Variants in ZNF274 observed in about 807,000 individuals in gnomAD.
The protein encoded by ZNF274 is zinc finger protein 274.
In ZNF274, 23 loss-of-function variants were observed where a neutral mutation model predicts 42.5. The observed-to-expected ratio is 0.54, with a 90% CI of 0.39 to 0.77. The LOEUF (loss-of-function observed/expected upper bound fraction) is 0.77. Ranked by LOEUF, ZNF274 falls within the 30% of genes least tolerant of loss-of-function variation. The pLI is 0.00. For missense variants in ZNF274, 679 were observed against 806.5 expected (o/e 0.84, Z 1.91); for synonymous variants, 292 against 305.4 (o/e 0.96, Z 0.46).
chr19:58,194,371 C>T (rs1379998432), intron 4 of ZNF274, among the ~76,000 whole-genome samples: 10 of 64,174 alleles, frequency 1.6e-4, no homozygotes, highest in African/African-American at 5.5e-4. Context: ...TGTTTTTTAC[C>T]TTTTTTTTTT....
intron 4 of ZNF274, among the ~76,000 whole-genome samples, chr19:58,197,062 A>G (rs1221648598): frequency 6.6e-6 from 1 of 152,222 alleles, no homozygotes; most frequent in Non-Finnish European, 1.5e-5. Context: ...CCATGAGAAT[A>G]TAATTGCTGT....
intron 4 of ZNF274, among the ~76,000 whole-genome samples, chr19:58,188,714 A>ATATATATATATATATATATATATG (rs1555816937): frequency 7.8e-6 from 1 of 127,598 alleles, no homozygotes; most frequent in Non-Finnish European, 1.6e-5. Context: ...ATATATATAT[A>ATATATATATATATATATATATATG]TATATATATA....
chr19:58,211,364 C>A lies in ZNF274; in HGVS notation c.853-196C>A. 1 of 567,072 alleles carries A rather than the reference C, an allele frequency of 1.8e-6. No individual in the cohort carries two copies. Among genetic ancestry groups the A allele is most frequent in the Non-Finnish European group, 2.9e-6 (1 of 341,484 alleles). 35.1% of individuals were successfully genotyped at this position (567,072 alleles called of 1,614,324 possible). On this transcript the variant is annotated intron_variant, in intron 6 of 7. Transcript: ENST00000617501. The surrounding 1 kb of genome is among the most constrained non-coding windows in gnomAD (Gnocchi z 4.8). ...ATGAAGCAAGGGCTCTGCCTCCCAG[C>A]CTGAGACCCAGACCCTGGTTTGGAC...
At chr19:58,195,639 A>G (rs1353050547) in intron 4 of ZNF274, among the ~76,000 whole-genome samples, 1 of 152,182 alleles carries the variant, frequency 6.6e-6, no homozygotes, top group Non-Finnish European at 1.5e-5. Flanking sequence ...GATAGCAAGA[A>G]TGGCAGTCAA....
chr19:58,198,807 C>CTTTTT (rs59644027), intron 4 of ZNF274, among the ~76,000 whole-genome samples: 24 of 131,488 alleles, frequency 1.8e-4, no homozygotes, highest in Admixed American at 8.4e-4. Context: ...TTAACTTTGA[C>CTTTTT]TTTTTTTTTT....
chr19:58,203,939 C>T (rs1353041016), intron 4 of ZNF274, among the ~76,000 whole-genome samples: 2 of 152,236 alleles, frequency 1.3e-5, no homozygotes, highest in African/African-American at 4.8e-5. Flanking sequence ...ACGGCCTGGG[C>T]TGCGAGAAGG....
At position 58,211,267 on chromosome 19, in the gene ZNF274, T is replaced by G. The variant is rs2076037124; in HGVS notation, c.853-293T>G. 7.0e-6 allele frequency: 2 copies of G among 286,880 alleles called. No individual in the cohort carries two copies. The highest frequency in any genetic ancestry group is 1.3e-5 in the Non-Finnish European group (2 of 154,642). The allele number at this position is 286,880 out of a possible 1,614,324, so 17.8% of individuals were successfully genotyped here. Reference sequence around the variant, plus strand: ...GGAGAACCCTCTGCAGTGGGAAGATTTCAGCAATGGGCAAGCTGGATAGAG... The same window carrying G: ...GGAGAACCCTCTGCAGTGGGAAGATGTCAGCAATGGGCAAGCTGGATAGAG... On this transcript the variant is annotated intron_variant, in intron 6 of 7. Coordinates refer to ENST00000617501, the MANE Select transcript of ZNF274 (RefSeq NM_133502.3). This position sits in a 1 kb window ranked among gnomAD's most constrained non-coding sequence, Gnocchi z 4.8.
At chr19:58,190,079 C>T (rs544064288) in intron 4 of ZNF274, among the ~76,000 whole-genome samples, 16 of 150,452 alleles carry the variant, frequency 1.1e-4, no homozygotes, top group South Asian at 6.3e-4. Flanking sequence ...ACCCAGACTG[C>T]GCCACTGCAC....
intron 4 of ZNF274, among the ~76,000 whole-genome samples, chr19:58,198,807 C>CTTTT (rs59644027): frequency 0.027 from 3,526 of 131,422 alleles, 65 homozygotes; most frequent in South Asian, 0.05. Flanking sequence ...TTAACTTTGA[C>CTTTT]TTTTTTTTTT....
chr19:58,197,819 G>T (rs1293745841), intron 4 of ZNF274, among the ~76,000 whole-genome samples: 1 of 152,200 alleles, frequency 6.6e-6, no homozygotes, highest in Non-Finnish European at 1.5e-5. Flanking sequence ...GTTTTGGCTG[G>T]AATTCAGTGA....
rs942152403 is a variant in ZNF274 at position 58,211,796 on chromosome 19, C to G, written c.979+110C>G. 4.9e-6 allele frequency: 7 copies of G among 1,433,004 alleles called. No individual in the cohort carries two copies. The South Asian group carries it at 1.0e-4, about 21-fold the overall frequency. 88.8% of individuals were successfully genotyped at this position (1,433,004 alleles called of 1,614,324 possible). A position where few individuals can be genotyped will look rare whatever the true frequency, so the allele number is the denominator to read the frequency against. On this transcript the variant is annotated intron_variant, in intron 7 of 7. Coordinates refer to ENST00000617501, the MANE Select transcript of ZNF274 (RefSeq NM_133502.3). This position sits in a 1 kb window ranked among gnomAD's most constrained non-coding sequence, Gnocchi z 4.8. ...CCACACTGGGCATTCCCTCAAGGGG[C>G]CCTTGCTGCATCCAGGGCCTGTAAG...
chr19:58,211,639 A>G lies in ZNF274; in HGVS notation c.932A>G (p.Glu311Gly). Residue 311 changes from glutamate to glycine, a missense_variant, in exon 7 of 8, where the codon GAG (glutamate) becomes GGG (glycine). Physicochemically the swap from Glu to Gly is moderately conservative, Grantham distance 98. Coordinates refer to ENST00000617501, the MANE Select transcript of ZNF274 (RefSeq NM_133502.3). This position sits in a 1 kb window ranked among gnomAD's most constrained non-coding sequence, Gnocchi z 4.8. ...CTGCTGGGCCCGACACAGAGGACCG[A>G]GTACCGCGATGTGATGCTGGAGACC... Reference protein sequence around the residue: ...WGLLGPTQRTEYRDVMLETFG... With the variant: ...WGLLGPTQRTGYRDVMLETFG... 1 of 1,613,130 alleles carries G rather than the reference A, an allele frequency of 6.2e-7. No individual in the cohort carries two copies. The highest frequency in any genetic ancestry group is 8.5e-7 in the Non-Finnish European group (1 of 1,179,210).
chr19:58,200,706 G>A (rs1259038630), intron 4 of ZNF274, among the ~76,000 whole-genome samples: 1 of 152,190 alleles, frequency 6.6e-6, no homozygotes, highest in East Asian at 1.9e-4. Context: ...GTGGCTGTGG[G>A]AGACCCCTTT....
At chr19:58,203,269 C>T (rs1160305506) in intron 4 of ZNF274, among the ~76,000 whole-genome samples, 3 of 152,072 alleles carry the variant, frequency 2.0e-5, no homozygotes. Context: ...AGCTGCTTCT[C>T]AGGAAAAATT....
intron 1 of ZNF274, 179 bp from the exon 2 acceptor site, chr19:58,183,742 G>C: frequency 3.8e-6 from 2 of 531,122 alleles, no homozygotes; most frequent in Non-Finnish European, 6.7e-6. Context: ...GTCCTCTCGG[G>C]GAGGGGAAAA....
chr19:58,204,562 G>A (rs913829085), intron 4 of ZNF274, among the ~76,000 whole-genome samples: 2 of 152,180 alleles, frequency 1.3e-5, no homozygotes, highest in African/African-American at 4.8e-5. Context: ...TCCGGGCTCT[G>A]AAAGATGCTT....
chr19:58,212,401 C>T lies in ZNF274; in HGVS notation c.1220C>T (p.Ala407Val). 8 of 1,613,088 alleles carry T rather than the reference C, an allele frequency of 5.0e-6. No individual in the cohort carries two copies. Among genetic ancestry groups the T allele is most frequent in the Non-Finnish European group, 6.8e-6 (8 of 1,179,460 alleles). Reference protein sequence around the residue: ...KKHFDNRESQANSGALDTNQV... With the variant: ...KKHFDNRESQVNSGALDTNQV... The stretch of plus-strand genomic sequence containing the variant: ...CACTTTGACAACCGTGAGTCCCAGG[C>T]AAACAGTGGTGCTCTTGACACAAAC... Residue 407 changes from alanine to valine, a missense_variant, in exon 8 of 8, where the codon GCA becomes GTA. Physicochemically the swap from Ala to Val is moderately conservative, Grantham distance 64. Coordinates refer to ENST00000617501, the MANE Select transcript of ZNF274 (RefSeq NM_133502.3). This position sits in a 1 kb window ranked among gnomAD's most constrained non-coding sequence, Gnocchi z 4.6.
rs1336337753 is a variant in ZNF274, at chr19:58,211,816, T to A, written c.979+130T>A. 8 of 1,333,952 alleles carry A rather than the reference T, an allele frequency of 6.0e-6. No individual in the cohort carries two copies. The highest frequency in any genetic ancestry group is 1.5e-5 in the African/African-American group (1 of 67,912). 82.6% of individuals were successfully genotyped at this position (1,333,952 alleles called of 1,614,324 possible). A position where few individuals can be genotyped will look rare whatever the true frequency, so the allele number is the denominator to read the frequency against. On this transcript the variant is annotated intron_variant, in intron 7 of 7. Transcript: ENST00000617501. The surrounding 1 kb of genome is among the most constrained non-coding windows in gnomAD (Gnocchi z 4.8). The stretch of plus-strand genomic sequence containing the variant: ...AGGGGCCCTTGCTGCATCCAGGGCC[T>A]GTAAGTGGAACTGTAGACCTAGAGG...
At chr19:58,187,311 C>A (rs1398717676) in intron 4 of ZNF274, among the ~76,000 whole-genome samples, 2 of 152,212 alleles carry the variant, frequency 1.3e-5, no homozygotes, top group Non-Finnish European at 2.9e-5. Context: ...CTGCCCTCCC[C>A]TCATAATCAC....
Sources: gnomAD v4.1 joint callset for allele counts (sites outside exome capture counted in the v4.1 genomes callset) on GRCh38, gnomAD v4.1.1 for gene constraint, Gnocchi (gnomAD v3.1) non-coding constraint, MANE v1.5 for transcripts, NCBI Gene and HGNC (gene_info 2026-07-23, HGNC 2026-07-21) for gene names.